PRMT3: variants seen among roughly 807,000 people sequenced by gnomAD.
PRMT3 encodes protein arginine methyltransferase 3, also known as protein arginine N-methyltransferase 3.
Under a neutral mutation model 71.9 loss-of-function variants are expected in PRMT3, and 62 were observed. The observed-to-expected ratio is 0.86, with a 90% CI of 0.70 to 1.07. The LOEUF is 1.07. Among genes scored for constraint, PRMT3 ranks in the 50% least tolerant of loss-of-function variants. The pLI, the probability that PRMT3 is intolerant of heterozygous loss-of-function variation, is 0.00. For synonymous variants in PRMT3, 213 were observed against 220.4 expected (o/e 0.97, Z 0.30); for missense variants, 663 against 643.0 (o/e 1.03, Z -0.34).
chr11:20,454,197 C>A (rs1284363741), intron 11 of PRMT3, among the ~76,000 whole-genome samples: 1 of 152,076 alleles, frequency 6.6e-6, no homozygotes, highest in Non-Finnish European at 1.5e-5. Flanking sequence ...CTCCAGTATT[C>A]ATGTTCTTTT....
intron 15 of PRMT3, among the ~76,000 whole-genome samples, chr11:20,505,662 A>G (rs1198361847): frequency 6.6e-6 from 1 of 152,206 alleles, no homozygotes; most frequent in African/African-American, 2.4e-5. Flanking sequence ...GTTGATTTAA[A>G]AAGAAGCAAA....
intron 9 of PRMT3, among the ~76,000 whole-genome samples, chr11:20,409,070 C>A (rs1849134859): frequency 6.6e-6 from 1 of 152,198 alleles, no homozygotes; most frequent in East Asian, 1.9e-4. Flanking sequence ...GCACTCCAGC[C>A]TGGGTGACAG....
At chr11:20,426,744 T>A (rs1340463878) in intron 9 of PRMT3, 22 bp from the exon 10 acceptor site, 1 of 1,443,288 alleles carries the variant, frequency 6.9e-7, no homozygotes, top group African/African-American at 1.5e-5. Context: ...AACCTACTAA[T>A]CTAATTCATT....
intron 8 of PRMT3, chr11:20,406,784 A>G (rs1007321272): frequency 4.0e-5 from 6 of 151,898 alleles, no homozygotes; most frequent in South Asian, 2.1e-4. Context: ...AAGGGTTCCA[A>G]TTTTTCCATA....
chr11:20,413,505 A>G (rs1012665828), intron 9 of PRMT3, among the ~76,000 whole-genome samples: 1 of 152,180 alleles, frequency 6.6e-6, no homozygotes, highest in African/African-American at 2.4e-5. Context: ...ATCCGTTATG[A>G]TGCTTTGCAA....
chr11:20,419,011 G>T (rs1362356038), intron 9 of PRMT3, among the ~76,000 whole-genome samples: 1 of 152,144 alleles, frequency 6.6e-6, no homozygotes, highest in East Asian at 1.9e-4. Context: ...GTTTTTACAT[G>T]TGCCTTGGTG....
intron 10 of PRMT3, among the ~76,000 whole-genome samples, chr11:20,444,558 T>A (rs1849981280): frequency 6.6e-6 from 1 of 152,198 alleles, no homozygotes; most frequent in Admixed American, 6.5e-5. Flanking sequence ...TAAGAAATTT[T>A]AAAAATGTCT....
chr11:20,497,849 G>A (rs1173160753), intron 15 of PRMT3, among the ~76,000 whole-genome samples: 2 of 152,100 alleles, frequency 1.3e-5, no homozygotes, highest in African/African-American at 4.8e-5. Context: ...GAAGGGAAAA[G>A]AACTAAGCTG....
chr11:20,443,834 A>G (rs1849963471), intron 10 of PRMT3, among the ~76,000 whole-genome samples: 1 of 152,228 alleles, frequency 6.6e-6, no homozygotes, highest in Admixed American at 6.5e-5. Flanking sequence ...AAAAGCTAAT[A>G]CAAGTTTTTT....
intron 11 of PRMT3, among the ~76,000 whole-genome samples, chr11:20,456,983 C>T (rs1412425439): frequency 1.3e-5 from 2 of 152,140 alleles, no homozygotes; most frequent in Non-Finnish European, 2.9e-5. Context: ...AAGCAATTCT[C>T]CTGCCTCAGC....
At chr11:20,455,748 G>A (rs1850254126) in intron 11 of PRMT3, among the ~76,000 whole-genome samples, 1 of 151,134 alleles carries the variant, frequency 6.6e-6, no homozygotes, top group Non-Finnish European at 1.5e-5. Context: ...TGGTTCTTGA[G>A]AGATGCGTTG....
rs1851648893 is a variant in PRMT3, at chr11:20,508,427, G to A, written c.*14G>A. The A allele has an allele frequency of 6.4e-7, 1 of 1,555,848 alleles. No homozygotes were observed. The highest frequency in any genetic ancestry group is 1.7e-5 in the Admixed American group (1 of 59,910). Reference sequence around the variant, plus strand: ...GGTCTCCAGTGAAACAGCCATAAAAGCACACTACCTTGTAGTTTTTAATGT... The same window carrying A: ...GGTCTCCAGTGAAACAGCCATAAAAACACACTACCTTGTAGTTTTTAATGT... On this transcript the variant is annotated 3_prime_UTR_variant, in exon 16 of 16. Transcript: ENST00000331079.
intron 15 of PRMT3, among the ~76,000 whole-genome samples, chr11:20,499,302 G>A (rs1199581618): frequency 1.3e-5 from 2 of 152,088 alleles, no homozygotes; most frequent in African/African-American, 2.4e-5. Flanking sequence ...AGACAGAATG[G>A]AATCCTGAAA....
chr11:20,485,165 T>C (rs915240927), intron 13 of PRMT3, among the ~76,000 whole-genome samples: 1 of 152,132 alleles, frequency 6.6e-6, no homozygotes, highest in Non-Finnish European at 1.5e-5. Context: ...ATCTGGGTGG[T>C]CCAGGAAGTC....
chr11:20,391,220 G>A (rs1424993926), intron 3 of PRMT3, among the ~76,000 whole-genome samples: 1 of 152,120 alleles, frequency 6.6e-6, no homozygotes, highest in Non-Finnish European at 1.5e-5. Flanking sequence ...AGGCATAAAT[G>A]ACAGCCTCAT....
chr11:20,477,867 T>C (rs1850834175), intron 13 of PRMT3, among the ~76,000 whole-genome samples: 1 of 137,838 alleles, frequency 7.3e-6, no homozygotes, highest in African/African-American at 2.6e-5. Flanking sequence ...ATAAGTAACG[T>C]GAGGGAGAAT....
At chr11:20,421,187 G>A (rs1256594772) in intron 9 of PRMT3, among the ~76,000 whole-genome samples, 3 of 152,104 alleles carry the variant, frequency 2.0e-5, no homozygotes, top group Non-Finnish European at 2.9e-5. Context: ...ACAGGCTCAC[G>A]CCACCGTGCC....
Position 20,407,874 on chromosome 11 carries a change from C to A in PRMT3, c.772-37C>A, listed in dbSNP as rs748363335. 1.9e-6 allele frequency: 3 copies of A among 1,557,440 alleles called. No homozygotes were observed. The East Asian group carries it at 6.8e-5, about 35-fold the overall frequency. On this transcript the variant is annotated intron_variant, in intron 8 of 15. Coordinates refer to ENST00000331079, the MANE Select transcript of PRMT3 (RefSeq NM_005788.4). ...TTTAATATAGAGACCTTTTTGATAA[C>A]ATCTGTTTTGTTTTGGTTTTTTCTT...
chr11:20,496,454 A>G (rs911549915), intron 15 of PRMT3, among the ~76,000 whole-genome samples: 2 of 152,044 alleles, frequency 1.3e-5, no homozygotes, highest in Non-Finnish European at 2.9e-5. Flanking sequence ...CATTGAGCAA[A>G]AAAGAAAATT....
Sources: allele counts gnomAD v4.1 joint callset (sites outside exome capture counted in the v4.1 genomes callset), GRCh38; gene constraint gnomAD v4.1.1; transcripts MANE v1.5; gene names NCBI Gene and HGNC (gene_info 2026-07-23, HGNC 2026-07-21).